Variants in ZNF318 observed in about 807,000 individuals in gnomAD.
The protein encoded by ZNF318 is zinc finger protein 318.
Under a neutral mutation model 124.2 loss-of-function variants are expected in ZNF318, and 51 were observed. The ratio of observed to expected loss-of-function variants is 0.41; its 90% CI spans 0.33 to 0.52. ZNF318 has a LOEUF of 0.52. Ranked by LOEUF, ZNF318 falls within the 20% of genes least tolerant of loss-of-function variation. The probability of loss-of-function intolerance (pLI) is 0.23; values close to 1 mark genes in which losing one functional copy is unlikely to be tolerated. For synonymous variants in ZNF318, 1,090 were observed against 1,040.7 expected (o/e 1.05, Z -0.91); for missense variants, 2,815 against 2,811.2 (o/e 1.00, Z -0.03).
chr6:43,355,607 G>A lies in ZNF318; in HGVS notation c.1727C>T (p.Ala576Val). 1.2e-6 allele frequency: 2 copies of A among 1,614,196 alleles called. No individual in the cohort carries two copies. Among genetic ancestry groups the A allele is most frequent in the Non-Finnish European group, 1.7e-6 (2 of 1,180,048 alleles). The change falls in exon 4 of 10, where the codon GCT (alanine) becomes GTT (valine). Residue 576 changes from alanine (A) to valine (V), a missense_variant. Transcript: ENST00000361428. Reference protein sequence around the residue: ...KASSLPSSAPAVKLESLEETN... With the variant: ...KASSLPSSAPVVKLESLEETN... ...CTCTTCTAGTGATTCTAGCTTTACA[G>A]CTGGAGCTGAAGACGGCAGGGAGCT...
chr6:43,356,974 T>G, intron 3 of ZNF318, 152 bp downstream of exon 3: 1 of 808,246 alleles, frequency 1.2e-6, no homozygotes, highest in Non-Finnish European at 1.9e-6. Context: ...GGCCTACAGT[T>G]TCGTTTGGAG....
chr6:43,363,608 C>T, intron 2 of ZNF318: 1 of 396,114 alleles, frequency 2.5e-6, no homozygotes, highest in East Asian at 5.6e-5. Flanking sequence ...ATGCCTGTCA[C>T]CAAGCTGGGC....
At position 43,369,128 on chromosome 6, in the gene ZNF318, G is replaced by T; in HGVS notation, c.238C>A (p.Pro80Thr). 8.1e-7 allele frequency: 1 copy of T among 1,234,162 alleles called. No individual in the cohort carries two copies. Among genetic ancestry groups the T allele is most frequent in the Non-Finnish European group, 1.0e-6 (1 of 989,028 alleles). 76.5% of individuals were successfully genotyped at this position (1,234,162 alleles called of 1,614,324 possible). Residue 80 changes from proline (P) to threonine (T), a missense_variant, in exon 1 of 10, where the codon CCG (proline) becomes ACG (threonine). Pro to Thr is a conservative substitution (Grantham distance 38, BLOSUM62 -1). Around this residue, in one of 4 missense-constraint regions of ZNF318, gnomAD observed 1,377 missense variants for 1,353.5 expected, o/e 1.02. Transcript: ENST00000361428. ...CCGCGACGGGCCCGAGGCGGGGACG[G>T]GGAGACGCGACGACCCCGTGGCGGG... ...PSPPRGRRVSPSPPRARRGSP... is the reference protein window; with the variant it reads ...PSPPRGRRVSTSPPRARRGSP...
At chr6:43,342,926 A>C in intron 6 of ZNF318, 47 bp from the exon 7 acceptor site, 3 of 1,487,450 alleles carry the variant, frequency 2.0e-6, no homozygotes, top group Non-Finnish European at 2.8e-6. Context: ...GGCAATCTAG[A>C]CTTGTCTTCT....
At position 43,355,383 on chromosome 6, in the gene ZNF318, GGTGGTCAACTGAGGAACA is replaced by G; in HGVS notation, c.1933_1950del (p.Cys645_His650del). ...GAGGAACAGCGGTCAGCTGAGAAGC[GGTGGTCAACTGAGGAACA>G]GTGGTCAGCTGAAAAGTATCGGTCA... On this transcript the variant is annotated inframe_deletion, in exon 4 of 10. Transcript: ENST00000361428. 6.2e-7 allele frequency: 1 copy of G among 1,614,098 alleles called. No homozygotes were observed. Among genetic ancestry groups the G allele is most frequent in the Admixed American group, 1.7e-5 (1 of 60,016 alleles).
rs750865016 is a variant in ZNF318 at position 43,337,508 on chromosome 6, C to T, written c.6490G>A (p.Gly2164Arg). The change falls in exon 10 of 10, where the codon GGG becomes AGG. Residue 2164 changes from glycine (G) to arginine (R), a missense_variant. Physicochemically the swap from Gly to Arg is moderately radical, Grantham distance 125 (BLOSUM62 -2). Transcript: ENST00000361428. ...AGGTCTGGAAGGCAAGGAGATGGCC[C>T]AAGGCCTGCAGAATTAATTGTTTTT... ...ELKTINSAGL[G>R]PSPCLPDLVD... The T allele has an allele frequency of 3.2e-5, 52 of 1,614,032 alleles. 1 individual carries two copies. In the South Asian group the frequency reaches 5.6e-4, roughly 17 times the overall value.
At position 43,369,373 on chromosome 6, in the gene ZNF318, G is replaced by A. The variant is rs747945213; in HGVS notation, c.-8C>T. On this transcript the variant is annotated 5_prime_UTR_variant, in exon 1 of 10. Coordinates refer to ENST00000361428, the MANE Select transcript of ZNF318 (RefSeq NM_014345.3). ...AGCGCTGCTGCGGTACATGGTTCTT[G>A]CAGCGGCGGCCACGGCGACAGCTCT... is the stretch of plus-strand genomic sequence containing the variant. 123 of 1,252,896 alleles carry A rather than the reference G, an allele frequency of 9.8e-5. No individual in the cohort carries two copies. In the African/African-American group the frequency reaches 1.8e-3, roughly 19 times the overall value. 77.6% of individuals were successfully genotyped at this position (1,252,896 alleles called of 1,614,324 possible). A position where few individuals can be genotyped will look rare whatever the true frequency, so the allele number is the denominator to read the frequency against.
At position 43,357,576 on chromosome 6, in the gene ZNF318, C is replaced by T. The variant is rs1309764835; in HGVS notation, c.738G>A (p.Leu246=). The change falls in exon 3 of 10, where the codon CTG becomes CTA. Residue 246 remains leucine (L), a synonymous_variant. Coordinates refer to ENST00000361428, the MANE Select transcript of ZNF318 (RefSeq NM_014345.3). ...YSPHISCHDE[L]LRGTERNREK... is the part of the protein sequence containing the mutation. The stretch of plus-strand genomic sequence containing the variant: ...CTCGATTCCGTTCTGTTCCCCGCAA[C>T]AGCTCATCATGACAACTGATATGGG... 1.9e-6 allele frequency: 3 copies of T among 1,614,132 alleles called. No individual in the cohort carries two copies. Among genetic ancestry groups the T allele is most frequent in the Non-Finnish European group, 2.5e-6 (3 of 1,180,030 alleles).
At chr6:43,365,189 A>T in intron 2 of ZNF318, 103 bp downstream of exon 2, 1 of 1,316,574 alleles carries the variant, frequency 7.6e-7, no homozygotes, top group Non-Finnish European at 1.0e-6. Context: ...ATAGGAAATA[A>T]CTTTAGAGCT....
In ZNF318 at chr6:43,342,729, A is replaced by G; in HGVS notation, c.3223T>C (p.Cys1075Arg). Residue 1075 changes from cysteine (C) to arginine (R), a missense_variant, in exon 7 of 10, where the codon TGT (cysteine) becomes CGT (arginine). Physicochemically the swap from Cys to Arg is radical, Grantham distance 180. Coordinates refer to ENST00000361428, the MANE Select transcript of ZNF318 (RefSeq NM_014345.3). Reference protein sequence around the residue: ...NHWCKDCNTICGTMFDFFTHM... With the variant: ...NHWCKDCNTIRGTMFDFFTHM... ...GTGAAGAAATCAAACATGGTCCCACAGATGGTGTTGCAGTCTTTGCACCAG... is the reference window on the plus strand; with the variant it reads ...GTGAAGAAATCAAACATGGTCCCACGGATGGTGTTGCAGTCTTTGCACCAG... The G allele has an allele frequency of 1.9e-6, 3 of 1,614,250 alleles. No individual in the cohort carries two copies. In the South Asian group the frequency reaches 3.3e-5, roughly 18 times the overall value.
chr6:43,338,086 C>T lies in ZNF318; in HGVS notation c.5912G>A (p.Ser1971Asn), dbSNP rs1044031522. 6.2e-7 allele frequency: 1 copy of T among 1,614,002 alleles called. No homozygotes were observed. The highest frequency in any genetic ancestry group is 2.2e-5 in the East Asian group (1 of 44,904). The change falls in exon 10 of 10, where the codon AGC becomes AAC. Residue 1971 changes from serine to asparagine, a missense_variant. Coordinates refer to ENST00000361428, the MANE Select transcript of ZNF318 (RefSeq NM_014345.3). ...TGCTTCTGTTTTTGGTTTCTCTGGG[C>T]TCTCCCAGGTCTCTGGCCTCTTCTT... The part of the protein sequence containing the change: ...ENKKRPETWE[S>N]PEKPKTEALE...
intron 1 of ZNF318, among the ~76,000 whole-genome samples, chr6:43,366,218 A>C (rs1779759376): frequency 6.6e-6 from 1 of 152,234 alleles, no homozygotes; most frequent in Non-Finnish European, 1.5e-5. Context: ...GGCAAAGAAA[A>C]GAACCACCTC....
chr6:43,339,016 T>C lies in ZNF318; in HGVS notation c.4982A>G (p.His1661Arg). 3.7e-6 allele frequency: 6 copies of C among 1,614,216 alleles called. No homozygotes were observed. The highest frequency in any genetic ancestry group is 5.1e-6 in the Non-Finnish European group (6 of 1,180,028). Residue 1661 changes from histidine (H) to arginine (R), a missense_variant, in exon 10 of 10, where the codon CAT (histidine) becomes CGT (arginine). Around this residue, in one of 4 missense-constraint regions of ZNF318, gnomAD observed 927 missense variants for 820.6 expected, o/e 1.13. Transcript: ENST00000361428. This position sits in a 1 kb window ranked among gnomAD's most constrained non-coding sequence, Gnocchi z 4.2. ...GCTGCCTGTGCTTTTTGGGCCTACATGTTCTACAACTGACCATTTCCCTAG... is the reference window on the plus strand; with the variant it reads ...GCTGCCTGTGCTTTTTGGGCCTACACGTTCTACAACTGACCATTTCCCTAG... ...VALGKWSVVE[H>R]VGPKSTGSTY...
Position 43,355,845 on chromosome 6 carries a change from G to A in ZNF318, c.1489C>T (p.His497Tyr). ...PERHTDFLLP[H>Y]ERASQDGSGF... is the part of the protein sequence containing the mutation. Reference sequence around the variant, plus strand: ...CTGCCATCCTGGCTAGCTCTCTCATGGGGCAGCAGGAAGTCTGTGTGTCGC... The same window carrying A: ...CTGCCATCCTGGCTAGCTCTCTCATAGGGCAGCAGGAAGTCTGTGTGTCGC... Residue 497 changes from histidine to tyrosine, a missense_variant, in exon 4 of 10, where the codon CAT becomes TAT. His to Tyr is a moderately conservative substitution (Grantham distance 83, BLOSUM62 2). Around this residue, in one of 4 missense-constraint regions of ZNF318, gnomAD observed 1,377 missense variants for 1,353.5 expected, o/e 1.02. Transcript: ENST00000361428. The A allele has an allele frequency of 6.2e-7, 1 of 1,614,218 alleles. No individual in the cohort carries two copies. Among genetic ancestry groups the A allele is most frequent in the Admixed American group, 1.7e-5 (1 of 60,024 alleles).
chr6:43,358,000 G>A (rs937753926), intron 2 of ZNF318, among the ~76,000 whole-genome samples: 8 of 152,104 alleles, frequency 5.3e-5, no homozygotes, highest in South Asian at 4.1e-4. Context: ...TAATTTCTCC[G>A]ACTAGACTTA....
chr6:43,367,443 G>A (rs1682850489), intron 1 of ZNF318, among the ~76,000 whole-genome samples: 1 of 152,224 alleles, frequency 6.6e-6, no homozygotes, highest in South Asian at 2.1e-4. Flanking sequence ...GGAGTGTAAA[G>A]GAGCCAAATG....
chr6:43,367,050 C>G (rs1779771709), intron 1 of ZNF318, among the ~76,000 whole-genome samples: 1 of 152,162 alleles, frequency 6.6e-6, no homozygotes, highest in South Asian at 2.1e-4. Context: ...CGGTGTTTCA[C>G]CGTGTTAGCC....
At chr6:43,352,258 A>AGATTACCTGAGAATTCT in intron 5 of ZNF318, 119 bp downstream of exon 5, 1 of 742,332 alleles carries the variant, frequency 1.3e-6, no homozygotes, top group Admixed American at 2.8e-5. Flanking sequence ...TGTAAGTTTA[A>AGATTACCTGAGAATTCT]TTACGTCAAA....
Position 43,365,314 on chromosome 6 carries a change from C to T in ZNF318, c.526G>A (p.Asp176Asn), listed in dbSNP as rs1293417266. 2 of 1,614,124 alleles carry T rather than the reference C, an allele frequency of 1.2e-6. No homozygotes were observed. The highest frequency in any genetic ancestry group is 2.2e-5 in the South Asian group (2 of 91,078). The change falls in exon 2 of 10, where the codon GAT becomes AAT. Residue 176 changes from aspartate (D) to asparagine (N), a missense_variant. Physicochemically the swap from Asp to Asn is conservative, Grantham distance 23 (BLOSUM62 1). Coordinates refer to ENST00000361428, the MANE Select transcript of ZNF318 (RefSeq NM_014345.3). ...RLSDRLGSPV[D>N]NLEDMDRDDL... ...TACCTGTCCATGTCTTCCAGATTAT[C>T]CACTGGTGACCCCAGCCGATCACTA...
Sources: gnomAD v4.1 joint callset for allele counts (sites outside exome capture counted in the v4.1 genomes callset) on GRCh38, gnomAD v4.1.1 for gene constraint, gnomAD v4.1.1 regional missense constraint, Gnocchi (gnomAD v3.1) non-coding constraint, MANE v1.5 for transcripts, NCBI Gene and HGNC (gene_info 2026-07-23, HGNC 2026-07-21) for gene names.